The following CHST6 variants were observed in gnomAD, a reference collection of about 807,000 sequenced individuals.
The protein encoded by CHST6 is N-acetylglucosamine 6-O-sulfotransferase 5.
For synonymous variants in CHST6, 309 were observed against 276.4 expected (o/e 1.12, Z -1.17); for missense variants, 698 against 586.2 (o/e 1.19, Z -1.97).
Position 75,478,318 on chromosome 16 carries a change from CAGA to C in CHST6, c.*320_*322del, listed in dbSNP as rs2080088222. Reference sequence around the variant, plus strand: ...CCTCAGCTGCTGCAGGATGTGTCACCAGAAGGAGAGAGTTAAAGGGGAAGAAAG... The same window carrying C: ...CCTCAGCTGCTGCAGGATGTGTCACCAGGAGAGAGTTAAAGGGGAAGAAAG... On this transcript the variant is annotated 3_prime_UTR_variant, in exon 3 of 3. Coordinates refer to ENST00000332272, the MANE Select transcript of CHST6 (RefSeq NM_021615.5). 2 of 412,464 alleles carry C rather than the reference CAGA, an allele frequency of 4.8e-6. No homozygotes were observed. The highest frequency in any genetic ancestry group is 2.0e-5 in the African/African-American group (1 of 49,124). The allele number at this position is 412,464 out of a possible 1,614,324, so 25.6% of individuals were successfully genotyped here. A position where few individuals can be genotyped will look rare whatever the true frequency, so the allele number is the denominator to read the frequency against.
intron 1 of CHST6, among the ~76,000 whole-genome samples, chr16:75,490,298 G>C (rs563582125): frequency 3.5e-4 from 53 of 151,746 alleles, no homozygotes; most frequent in African/African-American, 1.1e-3. Flanking sequence ...GACCAACATG[G>C]AGAAATTCCG....
At chr16:75,490,252 G>A (rs2151673010) in intron 1 of CHST6, among the ~76,000 whole-genome samples, 1 of 151,592 alleles carries the variant, frequency 6.6e-6, no homozygotes, top group East Asian at 1.9e-4. Flanking sequence ...GCCAAGGCTG[G>A]TGGATCACCT....
intron 1 of CHST6, among the ~76,000 whole-genome samples, chr16:75,489,415 A>AG (rs1240332775): frequency 6.6e-6 from 1 of 151,516 alleles, no homozygotes; most frequent in African/African-American, 2.4e-5. Flanking sequence ...AAAAAAAAAA[A>AG]AAAAGAAAAA....
At chr16:75,480,825 G>A (rs1030291892) in intron 2 of CHST6, among the ~76,000 whole-genome samples, 1 of 151,034 alleles carries the variant, frequency 6.6e-6, no homozygotes, top group African/African-American at 2.4e-5. Flanking sequence ...AGCTACTCAG[G>A]AGGCTGAGGC....
In CHST6 at chr16:75,476,321, G is replaced by C. The variant is rs983799279; in HGVS notation, c.*2320C>G. 4.0e-5 allele frequency: 6 copies of C among 151,526 alleles called. No homozygotes were observed. Among genetic ancestry groups the C allele is most frequent in the African/African-American group, 1.5e-4 (6 of 41,258 alleles). 9.4% of individuals were successfully genotyped at this position (151,526 alleles called of 1,614,324 possible). A position where few individuals can be genotyped will look rare whatever the true frequency, so the allele number is the denominator to read the frequency against. On this transcript the variant is annotated 3_prime_UTR_variant, in exon 3 of 3. Coordinates refer to ENST00000332272, the MANE Select transcript of CHST6 (RefSeq NM_021615.5). ...AATCTCAGCACTTTGGGAGGCTGAG[G>C]TGGGCAGATCACTTGAGGTCAGGAG...
Position 75,479,009 on chromosome 16 carries a change from C to T in CHST6, c.820G>A (p.Glu274Lys), listed in dbSNP as rs72547538. The T allele has an allele frequency of 5.0e-6, 8 of 1,611,662 alleles. No homozygotes were observed. In the East Asian group the frequency reaches 6.7e-5, roughly 13 times the overall value. ...LRGRYRLVRF[E>K]DLAREPLAEI... ...GCCAGCGGCTCCCGCGCCAGGTCCT[C>T]GAAGCGCACCAGGCGGTAGCGGCCG... The change falls in exon 3 of 3, where the codon GAG (glutamate) becomes AAG (lysine). Residue 274 changes from glutamate (E) to lysine (K), a missense_variant. Coordinates refer to ENST00000332272, the MANE Select transcript of CHST6 (RefSeq NM_021615.5).
chr16:75,494,094 C>T (rs1222623015), intron 1 of CHST6, among the ~76,000 whole-genome samples: 1 of 152,194 alleles, frequency 6.6e-6, no homozygotes, highest in African/African-American at 2.4e-5. Context: ...ATCCACCTGC[C>T]TCGGCCTCCC....
chr16:75,485,587 T>C (rs1379259568), intron 1 of CHST6, among the ~76,000 whole-genome samples: 1 of 152,200 alleles, frequency 6.6e-6, no homozygotes, highest in Non-Finnish European at 1.5e-5. Context: ...TTCCCTTAGT[T>C]TTCCTTGGGG....
At position 75,479,535 on chromosome 16, in the gene CHST6, G is replaced by C. The variant is rs118144424; in HGVS notation, c.294C>G (p.Ser98=). The C allele has an allele frequency of 8.0e-3, 12,899 of 1,612,990 alleles. 121 individuals are homozygous for C. The highest frequency in any genetic ancestry group is 0.025 in the South Asian group (2,295 of 91,084). The change falls in exon 3 of 3, where the codon TCC becomes TCG. Residue 98 remains serine (S), a synonymous_variant. Coordinates refer to ENST00000332272, the MANE Select transcript of CHST6 (RefSeq NM_021615.5). ...LHMAVRDLVR[S]VFLCDMDVFD... ...ACACGTCCATGTCGCACAGGAAGAC[G>C]GAGCGCACCAGGTCGCGCACAGCCA...
At chr16:75,491,434 ATC>A (rs945026628) in intron 1 of CHST6, among the ~76,000 whole-genome samples, 1 of 151,576 alleles carries the variant, frequency 6.6e-6, no homozygotes, top group Non-Finnish European at 1.5e-5. Context: ...CAGTGGCACG[ATC>A]TCGGCTTACT....
Position 75,478,696 on chromosome 16 carries a change from C to A in CHST6, c.1133G>T (p.Arg378Leu). The A allele has an allele frequency of 6.2e-7, 1 of 1,613,712 alleles. No homozygotes were observed. Among genetic ancestry groups the A allele is most frequent in the Non-Finnish European group, 8.5e-7 (1 of 1,180,028 alleles). Residue 378 changes from arginine (R) to leucine (L), a missense_variant, in exon 3 of 3, where the codon CGA (arginine) becomes CTA (leucine). Arg to Leu is a moderately radical substitution (Grantham distance 102). Transcript: ENST00000332272. ...TGCCCAAGTGAAGCCGTTCAGGCCT[C>A]GTGGCAGCACCAGATCAAGGGCGAG... is the stretch of plus-strand genomic sequence containing the variant. ...RNLALDLVLP[R>L]GLNGFTWASS...
In CHST6 at chr16:75,478,607, C is replaced by T; in HGVS notation, c.*34G>A. Reference sequence around the variant, plus strand: ...CCCCTCTGCACCATGCACTCTCCTCCCGGGCCTAGCGCCTGCTACAACTGT... The same window carrying T: ...CCCCTCTGCACCATGCACTCTCCTCTCGGGCCTAGCGCCTGCTACAACTGT... On this transcript the variant is annotated 3_prime_UTR_variant, in exon 3 of 3. Coordinates refer to ENST00000332272, the MANE Select transcript of CHST6 (RefSeq NM_021615.5). 3.1e-6 allele frequency: 5 copies of T among 1,608,488 alleles called. No homozygotes were observed. The highest frequency in any genetic ancestry group is 4.3e-6 in the Non-Finnish European group (5 of 1,175,556).
chr16:75,489,398 CAAA>C (rs901241278), intron 1 of CHST6, among the ~76,000 whole-genome samples: 11 of 58,124 alleles, frequency 1.9e-4, no homozygotes, highest in African/African-American at 3.5e-4. Context: ...GACTCTGTCT[CAAA>C]AAAAAAAAAA....
At chr16:75,493,770 C>A (rs747309874) in intron 1 of CHST6, among the ~76,000 whole-genome samples, 5 of 152,186 alleles carry the variant, frequency 3.3e-5, no homozygotes, top group Admixed American at 1.3e-4. Context: ...GCCCCAGCAA[C>A]AGAATGTGGC....
rs1216226665 is a variant in CHST6 at position 75,479,003 on chromosome 16, G to C, written c.826C>G (p.Leu276Val). 6.2e-7 allele frequency: 1 copy of C among 1,611,946 alleles called. No individual in the cohort carries two copies. The highest frequency in any genetic ancestry group is 8.5e-7 in the Non-Finnish European group (1 of 1,179,928). ...GRYRLVRFED[L>V]AREPLAEIRA... ...ATTTCTGCCAGCGGCTCCCGCGCCAGGTCCTCGAAGCGCACCAGGCGGTAG... is the reference window on the plus strand; with the variant it reads ...ATTTCTGCCAGCGGCTCCCGCGCCACGTCCTCGAAGCGCACCAGGCGGTAG... The change falls in exon 3 of 3, where the codon CTG (leucine) becomes GTG (valine). Residue 276 changes from leucine to valine, a missense_variant. Transcript: ENST00000332272.
chr16:75,486,053 G>A (rs562057924), intron 1 of CHST6, among the ~76,000 whole-genome samples: 55 of 152,308 alleles, frequency 3.6e-4, no homozygotes, highest in Non-Finnish European at 7.6e-4. Context: ...TCAGATGGCC[G>A]GGAATAATCA....
At chr16:75,483,740 C>T (rs1208321168) in intron 1 of CHST6, among the ~76,000 whole-genome samples, 1 of 152,128 alleles carries the variant, frequency 6.6e-6, no homozygotes, top group East Asian at 1.9e-4. Context: ...AATCCAAGAG[C>T]CAGCCGGGTA....
Position 75,479,088 on chromosome 16 carries a change from A to G in CHST6, c.741T>C (p.Arg247=), listed in dbSNP as rs766018993. ...CGGCCTCGGCGATGCGTACGTGGCT[A>G]CGGCACACCTCGCGCACCACGCGCA... ...PGLRVVREVC[R]SHVRIAEAAT... Residue 247 remains arginine (R), a synonymous_variant, in exon 3 of 3, where the codon CGT becomes CGC. Coordinates refer to ENST00000332272, the MANE Select transcript of CHST6 (RefSeq NM_021615.5). 10 of 1,605,290 alleles carry G rather than the reference A, an allele frequency of 6.2e-6. No individual in the cohort carries two copies. Among genetic ancestry groups the G allele is most frequent in the Admixed American group, 3.3e-5 (2 of 59,908 alleles).
chr16:75,479,406 G>C lies in CHST6; in HGVS notation c.423C>G (p.Gly141=). 1 of 1,612,890 alleles carries C rather than the reference G, an allele frequency of 6.2e-7. No individual in the cohort carries two copies. The highest frequency in any genetic ancestry group is 8.5e-7 in the Non-Finnish European group (1 of 1,179,836). The change falls in exon 3 of 3, where the codon GGC becomes GGG. Residue 141 remains glycine, a synonymous_variant. Coordinates refer to ENST00000332272, the MANE Select transcript of CHST6 (RefSeq NM_021615.5). ...TGCACACGGCCTCGCTGCTGATGGC[G>C]CCTCGGGGAAAGGCACTGCAGGCGG... is the stretch of plus-strand genomic sequence containing the variant. ...SPPACSAFPR[G]AISSEAVCKP... is the part of the protein sequence containing the mutation.
Sources: allele counts gnomAD v4.1 joint callset (sites outside exome capture counted in the v4.1 genomes callset), GRCh38; gene constraint gnomAD v4.1.1; transcripts MANE v1.5; gene names NCBI Gene and HGNC (gene_info 2026-07-23, HGNC 2026-07-21).